The following NAV3 variants were observed in gnomAD, a reference collection of about 807,000 sequenced individuals.
The protein encoded by NAV3 is pore membrane and/or filament interacting like protein 1.
A neutral mutation model predicts 244.7 loss-of-function variants in NAV3; 87 were observed. The observed-to-expected ratio is 0.36, with a 90% CI of 0.30 to 0.42. The LOEUF (loss-of-function observed/expected upper bound fraction) is 0.42. Among genes scored for constraint, NAV3 ranks in the 20% least tolerant of loss-of-function variants. The pLI is 1.00. For missense variants in NAV3, 2,663 were observed against 2,893.3 expected, an observed-to-expected ratio of 0.92 and a Z score of 1.83; for synonymous variants, 1,126 against 1,042.2, an observed-to-expected ratio of 1.08 and a Z score of -1.55.
intron 2 of NAV3, among the ~76,000 whole-genome samples, chr12:77,766,742 T>TTTTTTTTG (rs1869785684): frequency 4.1e-5 from 1 of 24,260 alleles, no homozygotes; most frequent in Non-Finnish European, 8.2e-5. Context: ...TAAGTTTTTT[T>TTTTTTTTG]TTTTTTTTTT....
chr12:77,829,059 G>A (rs918200401), upstream of NAV3, among the ~76,000 whole-genome samples: 3 of 152,108 alleles, frequency 2.0e-5, no homozygotes, highest in Admixed American at 6.6e-5. Flanking sequence ...TAGTCAGCAG[G>A]AGCCCTTTTG....
chr12:77,760,668 G>T (rs770807560), intron 2 of NAV3, among the ~76,000 whole-genome samples: 1 of 152,180 alleles, frequency 6.6e-6, no homozygotes, highest in East Asian at 1.9e-4. Flanking sequence ...ATGAGGCTTC[G>T]TATGTGACTT....
chr12:78,012,345 C>G (rs954890258), intron 8 of NAV3, among the ~76,000 whole-genome samples: 1 of 151,978 alleles, frequency 6.6e-6, no homozygotes, highest in Non-Finnish European at 1.5e-5. Context: ...CAGTAACATC[C>G]TTCACACAGA....
intron 9 of NAV3, among the ~76,000 whole-genome samples, chr12:78,043,792 G>T (rs887895957): frequency 3.9e-5 from 6 of 152,006 alleles, no homozygotes; most frequent in Admixed American, 6.5e-5. Flanking sequence ...TTTTTTTCTT[G>T]TAAATTTGTT....
At chr12:78,103,718 G>A (rs1372699154) in intron 12 of NAV3, among the ~76,000 whole-genome samples, 1 of 152,214 alleles carries the variant, frequency 6.6e-6, no homozygotes, top group Non-Finnish European at 1.5e-5. Flanking sequence ...AAGAGAAAAT[G>A]AGGAAGATGC....
chr12:77,710,275 G>T, intron 2 of NAV3, among the ~76,000 whole-genome samples: 1 of 152,096 alleles, frequency 6.6e-6, no homozygotes, highest in East Asian at 1.9e-4. Context: ...CAATTATGAA[G>T]CAAAATTATG....
chr12:78,148,999 A>T (rs1277786911), intron 22 of NAV3, 80 bp downstream of exon 22: 23 of 1,176,596 alleles, frequency 2.0e-5, no homozygotes, highest in Non-Finnish European at 2.7e-5. Flanking sequence ...CAAACTTACA[A>T]ATTTTCAGTG....
intron 12 of NAV3, among the ~76,000 whole-genome samples, chr12:78,111,075 CAT>C (rs1452797607): frequency 1.3e-5 from 2 of 151,832 alleles, no homozygotes; most frequent in Non-Finnish European, 2.9e-5. Context: ...AAAGTGTAAA[CAT>C]ATAGTTAAAA....
chr12:78,051,776 C>T (rs539991754), intron 11 of NAV3, among the ~76,000 whole-genome samples: 2 of 152,250 alleles, frequency 1.3e-5, no homozygotes, highest in East Asian at 1.9e-4. Context: ...GAGAATAGGT[C>T]CAAAAGGAGG....
intron 3 of NAV3, among the ~76,000 whole-genome samples, chr12:77,953,549 C>G (rs1329372436): frequency 1.3e-5 from 2 of 152,146 alleles, no homozygotes; most frequent in Non-Finnish European, 2.9e-5. Flanking sequence ...CTCCTTGTAT[C>G]TAATCACAGA....
At chr12:78,074,564 C>T (rs747579619) in intron 12 of NAV3, among the ~76,000 whole-genome samples, 4 of 152,082 alleles carry the variant, frequency 2.6e-5, no homozygotes, top group South Asian at 4.1e-4. Flanking sequence ...ATTAGCCAGG[C>T]GTGGTGGCTC....
intron 2 of NAV3, among the ~76,000 whole-genome samples, chr12:77,724,039 T>G (rs979938738): frequency 1.1e-4 from 16 of 151,896 alleles, no homozygotes; most frequent in Non-Finnish European, 2.2e-4. Flanking sequence ...ATCCATTAAA[T>G]GGGGATAACT....
chr12:78,197,872 C>A (rs1437431794), intron 35 of NAV3, among the ~76,000 whole-genome samples: 1 of 151,796 alleles, frequency 6.6e-6, no homozygotes, highest in East Asian at 1.9e-4. Flanking sequence ...TAAAAACTAA[C>A]TGGAGCCTTT....
At chr12:77,695,853 A>ATT (rs1181812616) in intron 2 of NAV3, among the ~76,000 whole-genome samples, 1 of 152,070 alleles carries the variant, frequency 6.6e-6, no homozygotes, top group Non-Finnish European at 1.5e-5. Context: ...TCAAATAAAG[A>ATT]AAGGTGAGAA....
At chr12:77,780,386 G>T (rs1297491432) in intron 2 of NAV3, among the ~76,000 whole-genome samples, 4 of 151,962 alleles carry the variant, frequency 2.6e-5, no homozygotes, top group Non-Finnish European at 5.9e-5. Context: ...CCATTATTTT[G>T]ACTATTTCAA....
intron 12 of NAV3, among the ~76,000 whole-genome samples, chr12:78,097,440 G>C (rs1954312277): frequency 6.6e-6 from 1 of 152,126 alleles, no homozygotes; most frequent in South Asian, 2.1e-4. Flanking sequence ...TCAGTGCTGG[G>C]ATGTGAATCT....
At position 77,944,619 on chromosome 12, in the gene NAV3, G is replaced by A. The variant is rs1048652411; in HGVS notation, c.414+3486G>A. Among the ~76,000 whole-genome samples the A allele has an allele frequency of 3.3e-5, 5 of 152,094 alleles. No homozygotes were observed. In the South Asian group the frequency reaches 6.2e-4, roughly 19 times the overall value. On this transcript the variant is annotated intron_variant, in intron 3 of 39. Coordinates refer to ENST00000397909, the MANE Select transcript of NAV3 (RefSeq NM_001024383.2). ...GAAGGTCAGAAAAGAGTATTGGTTA[G>A]AATATACTGAAAAAATAGGTAATAT...
chr12:77,888,217 C>T (rs895896180), intron 1 of NAV3, among the ~76,000 whole-genome samples: 1 of 152,192 alleles, frequency 6.6e-6, no homozygotes, highest in East Asian at 1.9e-4. Flanking sequence ...ATAGGCCAAG[C>T]ATGGTGGCTC....
intron 1 of NAV3, among the ~76,000 whole-genome samples, chr12:77,867,410 G>T (rs1452999739): frequency 6.6e-6 from 1 of 151,406 alleles, no homozygotes; most frequent in Non-Finnish European, 1.5e-5. Context: ...TGTTTTTGTT[G>T]TTGTTGTTGT....
Sources: allele counts gnomAD v4.1 joint callset (sites outside exome capture counted in the v4.1 genomes callset), GRCh38; gene constraint gnomAD v4.1.1; transcripts MANE v1.5; gene names NCBI Gene and HGNC (gene_info 2026-07-23, HGNC 2026-07-21).